The following MED13L variants were observed in gnomAD, a reference collection of about 807,000 sequenced individuals.
MED13L encodes mediator complex subunit 13L.
MED13L carries 7 observed loss-of-function variants against 220.9 expected under a neutral mutation model. That is an observed-to-expected ratio of 0.03 (90% CI 0.02 to 0.06). MED13L has a LOEUF of 0.06. MED13L is among the 10% of genes least tolerant of loss of function. The pLI, the probability that MED13L is intolerant of heterozygous loss-of-function variation, is 1.00. For missense variants in MED13L, 1,965 were observed against 2,760.5 expected (o/e 0.71, Z 6.46); for synonymous variants, 1,011 against 1,015.2 (o/e 1.00, Z 0.08).
chr12:116,034,072 T>C (rs531442428), intron 4 of MED13L, among the ~76,000 whole-genome samples: 41 of 152,062 alleles, frequency 2.7e-4, no homozygotes, highest in Non-Finnish European at 4.7e-4. Context: ...CTATTGTTCA[T>C]CTAACCCCTA....
intron 1 of MED13L, among the ~76,000 whole-genome samples, chr12:116,261,371 C>T (rs1235495959): frequency 2.0e-5 from 3 of 151,834 alleles, no homozygotes; most frequent in African/African-American, 7.3e-5. Context: ...GTCATGGGTG[C>T]CTGTAGTCCC....
intron 2 of MED13L, among the ~76,000 whole-genome samples, chr12:116,234,326 C>T (rs1182948468): frequency 1.3e-5 from 2 of 151,922 alleles, no homozygotes; most frequent in African/African-American, 4.8e-5. Context: ...CTCCCGGTTT[C>T]CAGCGACTGT....
intron 2 of MED13L, among the ~76,000 whole-genome samples, chr12:116,141,944 C>T (rs1877118737): frequency 6.6e-6 from 1 of 152,106 alleles, no homozygotes; most frequent in Non-Finnish European, 1.5e-5. Flanking sequence ...CTTCCCCTTG[C>T]CCACACCACT....
intron 4 of MED13L, among the ~76,000 whole-genome samples, chr12:116,040,458 T>C (rs1661865852): frequency 6.6e-6 from 1 of 152,230 alleles, no homozygotes. Context: ...TCACACAATC[T>C]ATTTTACATG....
Position 116,015,151 on chromosome 12 carries a change from T to G in MED13L, c.1133A>C (p.His378Pro). 1 of 1,613,912 alleles carries G rather than the reference T, an allele frequency of 6.2e-7. No individual in the cohort carries two copies. Among genetic ancestry groups the G allele is most frequent in the East Asian group, 2.2e-5 (1 of 44,854 alleles). Residue 378 changes from histidine to proline, a missense_variant, in exon 8 of 31, where the codon CAT (histidine) becomes CCT (proline). His to Pro is a moderately conservative substitution (Grantham distance 77). This residue lies in a region of MED13L where 818 missense variants were observed against 1,041.2 expected (regional missense o/e 0.79). Coordinates refer to ENST00000281928, the MANE Select transcript of MED13L (RefSeq NM_015335.5). ...IPPKLHNHMV[H>P]RVWKECILNR... ...GAGGATGCATTCCTTCCAGACTCGA[T>G]GGACCATATGATTGTGGAGTTTTGG...
At chr12:116,047,222 C>T (rs1167247538) in intron 4 of MED13L, among the ~76,000 whole-genome samples, 8 of 151,824 alleles carry the variant, frequency 5.3e-5, no homozygotes, top group Admixed American at 1.3e-4. Flanking sequence ...GGCCTGGTAG[C>T]GCATGCTAGT....
At chr12:116,064,545 A>G (rs1282797680) in intron 4 of MED13L, among the ~76,000 whole-genome samples, 2 of 152,198 alleles carry the variant, frequency 1.3e-5, no homozygotes, top group African/African-American at 4.8e-5. Context: ...TGGGGAAGAA[A>G]GTATGACCGA....
At chr12:116,125,727 A>C (rs1477455028) in intron 2 of MED13L, among the ~76,000 whole-genome samples, 2 of 152,222 alleles carry the variant, frequency 1.3e-5, no homozygotes, top group East Asian at 3.8e-4. Context: ...TTACTTCTGC[A>C]TACTTTCCCT....
At chr12:116,217,181 A>G (rs961497259) in intron 2 of MED13L, among the ~76,000 whole-genome samples, 1 of 152,190 alleles carries the variant, frequency 6.6e-6, no homozygotes, top group South Asian at 2.1e-4. Context: ...ATGACACATG[A>G]GCATGACCAA....
At chr12:116,220,822 TTAGGCATAA>T (rs1555223933) in intron 2 of MED13L, among the ~76,000 whole-genome samples, 2 of 152,208 alleles carry the variant, frequency 1.3e-5, no homozygotes, top group Non-Finnish European at 2.9e-5. Flanking sequence ...AGGTAAAATT[TTAGGCATAA>T]TACTTAGTCT....
At chr12:116,057,303 T>C (rs1186061216) in intron 4 of MED13L, among the ~76,000 whole-genome samples, 1 of 151,950 alleles carries the variant, frequency 6.6e-6, no homozygotes, top group African/African-American at 2.4e-5. Flanking sequence ...CATGAAAAGG[T>C]ACAAAAAGGA....
chr12:116,007,388 ACT>A (rs758975492), intron 11 of MED13L, 21 bp downstream of exon 11: 2 of 1,246,242 alleles, frequency 1.6e-6, no homozygotes, highest in African/African-American at 1.5e-5. Flanking sequence ...ACCATGCTGG[ACT>A]CTCTCTCTGT....
intron 19 of MED13L, 97 bp from the exon 20 acceptor site, chr12:115,984,469 G>T: frequency 7.4e-7 from 1 of 1,354,634 alleles, no homozygotes; most frequent in Non-Finnish European, 1.0e-6. Context: ...ACATATGGAA[G>T]CATTTTCCTT....
chr12:116,172,201 A>G (rs1879729538), intron 2 of MED13L, among the ~76,000 whole-genome samples: 1 of 152,218 alleles, frequency 6.6e-6, no homozygotes, highest in Non-Finnish European at 1.5e-5. Context: ...AAAATTCTAC[A>G]TAACTGCTTA....
At chr12:116,260,591 C>T (rs147361992) in intron 1 of MED13L, among the ~76,000 whole-genome samples, 5 of 152,212 alleles carry the variant, frequency 3.3e-5, no homozygotes, top group East Asian at 3.9e-4. Context: ...CTAAGTGTCA[C>T]GGAAACAAAG....
chr12:116,023,409 C>G (rs942369102), intron 4 of MED13L, among the ~76,000 whole-genome samples: 1 of 152,122 alleles, frequency 6.6e-6, no homozygotes, highest in African/African-American at 2.4e-5. Flanking sequence ...CAAAACATCT[C>G]GTAAGAACAT....
intron 4 of MED13L, among the ~76,000 whole-genome samples, chr12:116,085,638 T>C (rs78961642): frequency 0.021 from 3,248 of 152,146 alleles, 59 homozygotes; most frequent in Middle Eastern, 0.051. Context: ...TGATGTACAC[T>C]GGAAACTAAA....
intron 1 of MED13L, among the ~76,000 whole-genome samples, chr12:116,241,324 CA>C (rs1395698594): frequency 6.6e-5 from 9 of 137,210 alleles, no homozygotes; most frequent in Admixed American, 5.7e-4. Flanking sequence ...AAACAAAAAA[CA>C]AAAAAACAAA....
intron 4 of MED13L, among the ~76,000 whole-genome samples, chr12:116,055,985 G>C (rs1868930427): frequency 6.6e-6 from 1 of 151,900 alleles, no homozygotes; most frequent in African/African-American, 2.4e-5. Flanking sequence ...TAAACATCCA[G>C]GATGATATCC....
Sources: gnomAD v4.1 joint callset for allele counts (sites outside exome capture counted in the v4.1 genomes callset) on GRCh38, gnomAD v4.1.1 for gene constraint, gnomAD v4.1.1 regional missense constraint, MANE v1.5 for transcripts, NCBI Gene and HGNC (gene_info 2026-07-23, HGNC 2026-07-21) for gene names.